CES1: variants seen among roughly 807,000 people sequenced by gnomAD.
CES1 encodes carboxylesterase 1, also known as liver carboxylesterase 1.
CES1 carries 50 observed loss-of-function variants against 53.0 expected under a neutral mutation model. The observed-to-expected ratio is 0.94, with a 90% CI of 0.75 to 1.19. CES1 has a LOEUF of 1.19. Ranked by LOEUF, CES1 falls within the 50% of genes most tolerant of loss-of-function variation. The pLI, the probability that CES1 is intolerant of heterozygous loss-of-function variation, is 0.00. For missense variants in CES1, 534 were observed against 538.0 expected (o/e 0.99, Z 0.07); for synonymous variants, 202 against 210.1 (o/e 0.96, Z 0.33).
At chr16:55,816,452 G>C (rs1465324256) in intron 8 of CES1, among the ~76,000 whole-genome samples, 9 of 152,228 alleles carry the variant, frequency 5.9e-5, no homozygotes, top group African/African-American at 2.2e-4. Flanking sequence ...CAACCCACTG[G>C]GAGGTGGGGG....
At chr16:55,813,361 A>G (rs1833251) in intron 8 of CES1, among the ~76,000 whole-genome samples, 100,083 of 150,214 alleles carry the variant, frequency 0.67, 34,556 homozygotes, top group Non-Finnish European at 0.77. Flanking sequence ...TGTGTCCACA[A>G]TTGATTTTCG....
At chr16:55,829,650 CT>C (rs144285107) in intron 1 of CES1, among the ~76,000 whole-genome samples, 793 of 152,216 alleles carry the variant, frequency 5.2e-3, no homozygotes, top group Non-Finnish European at 9.1e-3. Context: ...CAGGTGGAGT[CT>C]GGGGGGAGTG....
chr16:55,830,557 C>T (rs2032597658), intron 1 of CES1, among the ~76,000 whole-genome samples: 2 of 152,130 alleles, frequency 1.3e-5, no homozygotes, highest in South Asian at 4.1e-4. Flanking sequence ...AATCCCAGCA[C>T]TTTGGGAGGC....
In CES1 at chr16:55,812,936, A is replaced by T. The variant is rs1254729805; in HGVS notation, c.1053T>A (p.Ile351=). 2 of 1,614,100 alleles carry T rather than the reference A, an allele frequency of 1.2e-6. No homozygotes were observed. The highest frequency in any genetic ancestry group is 3.3e-5 in the Admixed American group (2 of 60,018). The change falls in exon 9 of 14, where the codon ATT becomes ATA. Residue 351 remains isoleucine (I), a synonymous_variant. Coordinates refer to ENST00000360526, the MANE Select transcript of CES1 (RefSeq NM_001025195.2). ...NFHTVPYMVG[I]NKQEFGWLIP... ...TCAACCAGCCAAACTCCTGCTTGTT[A>T]ATTCCGACCATGTAGGGGACAGTGT...
chr16:55,832,953 A>G, intron 1 of CES1, 51 bp downstream of exon 1: 1 of 1,440,856 alleles, frequency 6.9e-7, no homozygotes, highest in South Asian at 1.1e-5. Context: ...ACCTCGGCCC[A>G]GAACAAGGAT....
In CES1 at chr16:55,811,014, A is replaced by ACC; in HGVS notation, c.1087-5_1087-4insGG. 2.5e-5 allele frequency: 37 copies of ACC among 1,469,956 alleles called. No homozygotes were observed. The highest frequency in any genetic ancestry group is 3.5e-5 in the Non-Finnish European group (37 of 1,063,566). 91.1% of individuals were successfully genotyped at this position (1,469,956 alleles called of 1,614,324 possible). On this transcript the variant is annotated splice_polypyrimidine_tract_variant and splice_region_variant and intron_variant, in intron 9 of 13. Coordinates refer to ENST00000360526, the MANE Select transcript of CES1 (RefSeq NM_001025195.2). ...AGAGTGGATAGCTCATCAACTGCTA[A>ACC]AAAAAAAAAAAAGTTCAGCATTTAT... is the stretch of plus-strand genomic sequence containing the variant.
intron 1 of CES1, 107 bp downstream of exon 1, chr16:55,832,897 C>T (rs1338824563): frequency 1.9e-6 from 2 of 1,073,324 alleles, no homozygotes; most frequent in East Asian, 2.5e-5. Context: ...TGCCCCGCCG[C>T]AGAGCCGGAC....
intron 4 of CES1, among the ~76,000 whole-genome samples, 157 bp from the exon 5 acceptor site, chr16:55,821,678 G>A (rs1216890119): frequency 6.6e-6 from 1 of 152,186 alleles, no homozygotes; most frequent in Non-Finnish European, 1.5e-5. Context: ...GCATTGTGGT[G>A]ATGTATGGTT....
chr16:55,817,770 GTGTT>G (rs1203482568), intron 7 of CES1, among the ~76,000 whole-genome samples: 10 of 152,012 alleles, frequency 6.6e-5, no homozygotes, highest in African/African-American at 1.5e-4. Context: ...GTGTGTGTGT[GTGTT>G]TGTCTGTGTG....
chr16:55,811,788 C>A (rs1311068189), intron 9 of CES1, among the ~76,000 whole-genome samples: 1 of 152,302 alleles, frequency 6.6e-6, no homozygotes, highest in South Asian at 2.1e-4. Flanking sequence ...CCACCCAACC[C>A]CATTTCCTTG....
chr16:55,810,739 C>T (rs1439220296), intron 10 of CES1, 75 bp from the exon 11 acceptor site: 4 of 1,569,574 alleles, frequency 2.5e-6, no homozygotes, highest in Middle Eastern at 1.7e-4. Context: ...AAAGTCCTGC[C>T]TCAATGGTGA....
chr16:55,817,032 C>A (rs2031973987), intron 7 of CES1, 70 bp from the exon 8 acceptor site: 3 of 1,531,270 alleles, frequency 2.0e-6, no homozygotes, highest in Middle Eastern at 1.7e-4. Flanking sequence ...GTGAGTGGGG[C>A]AACAGAGGTG....
Position 55,821,392 on chromosome 16 carries a change from C to T in CES1, c.669G>A (p.Ala223=), listed in dbSNP as rs376227163. The T allele has an allele frequency of 6.8e-4, 1,102 of 1,614,170 alleles. 19 individuals are homozygous for T. The South Asian group carries it at 0.011, about 16-fold the overall frequency. ...CAAGAACAGAGACACTTTCTCCTCC[C>T]GCTGACTCTCCAAAGATGGTCACAG... ...PGSVTIFGES[A]GGESVSVLVL... Residue 223 remains alanine, a synonymous_variant, in exon 5 of 14, where the codon GCG becomes GCA. Transcript: ENST00000360526.
intron 1 of CES1, among the ~76,000 whole-genome samples, chr16:55,829,886 C>T (rs1156834896): frequency 3.9e-5 from 6 of 152,230 alleles, no homozygotes; most frequent in African/African-American, 7.2e-5. Context: ...CCACAGCCTC[C>T]GCATCAGTTC....
chr16:55,819,576 G>A lies in CES1; in HGVS notation c.865C>T (p.Gln289Ter). The A allele has an allele frequency of 6.2e-7, 1 of 1,614,138 alleles. No homozygotes were observed. The highest frequency in any genetic ancestry group is 8.5e-7 in the Non-Finnish European group (1 of 1,180,018). The change falls in exon 7 of 14, where the codon CAG becomes TAG. Residue 289 changes from glutamine (Q) to a stop codon, truncating the protein, a stop_gained. Coordinates refer to ENST00000360526, the MANE Select transcript of CES1 (RefSeq NM_001025195.2). LOFTEE classifies it high-confidence loss of function. ...TCCAAGAGCTCCTCTTCCGTCTTCT[G>A]TCGCAGGCAGTGAACCATGACAGCA... Reference protein sequence around the residue: ...TSAVMVHCLRQKTEEELLETT... With the variant: ...TSAVMVHCLR
At chr16:55,819,047 G>A (rs116065090) in intron 7 of CES1, among the ~76,000 whole-genome samples, 2,202 of 152,298 alleles carry the variant, frequency 0.014, 47 homozygotes, top group South Asian at 0.048. Flanking sequence ...ATAGATAGAC[G>A]GATTAACGAA....
At chr16:55,832,681 A>T (rs1462248228) in intron 1 of CES1, among the ~76,000 whole-genome samples, 2 of 152,236 alleles carry the variant, frequency 1.3e-5, no homozygotes. Context: ...GCTCTCCGTG[A>T]TCCAGCCGTA....
At position 55,829,652 on chromosome 16, in the gene CES1, G is replaced by T. The variant is rs1465767453; in HGVS notation, c.53-678C>A. Among the ~76,000 whole-genome samples the T allele has an allele frequency of 9.3e-5, 14 of 150,662 alleles. No individual in the cohort carries two copies. The East Asian group carries it at 2.7e-3, about 29-fold the overall frequency. ...GGCCCACATGCACCAGGTGGAGTCT[G>T]GGGGGAGTGGAAAATATTCCTGGAA... On this transcript the variant is annotated intron_variant, in intron 1 of 13. Transcript: ENST00000360526.
rs1322049132 is a variant in CES1 at position 55,810,829 on chromosome 16, C to T, written c.1170+98G>A. Reference sequence around the variant, plus strand: ...TGGAAAGATGGGGGAAACCCTGAGGCCCCAGTCTTCATTCTGCCATTTAAT... The same window carrying T: ...TGGAAAGATGGGGGAAACCCTGAGGTCCCAGTCTTCATTCTGCCATTTAAT... On this transcript the variant is annotated intron_variant, in intron 10 of 13. Coordinates refer to ENST00000360526, the MANE Select transcript of CES1 (RefSeq NM_001025195.2). 5.7e-6 allele frequency: 8 copies of T among 1,397,154 alleles called. No homozygotes were observed. In the African/African-American group the frequency reaches 1.0e-4, roughly 18 times the overall value. The allele number at this position is 1,397,154 out of a possible 1,614,324, so 86.5% of individuals were successfully genotyped here.
Sources: gnomAD v4.1 joint callset for allele counts (sites outside exome capture counted in the v4.1 genomes callset) on GRCh38, gnomAD v4.1.1 for gene constraint, MANE v1.5 for transcripts, NCBI Gene and HGNC (gene_info 2026-07-23, HGNC 2026-07-21) for gene names.